The following TMEM268 variants were observed in gnomAD, a reference collection of about 807,000 sequenced individuals.
TMEM268 encodes transmembrane protein 268.
A neutral mutation model predicts 39.1 loss-of-function variants in TMEM268; 24 were observed. The observed-to-expected ratio is 0.61, with a 90% confidence interval of 0.44 to 0.86. The LOEUF is 0.86. TMEM268 is among the 40% of genes least tolerant of loss of function. The pLI is 0.00. For synonymous variants in TMEM268, 176 were observed against 173.5 expected (o/e 1.01, Z -0.12); for missense variants, 409 against 428.6 (o/e 0.95, Z 0.40).
chr9:114,632,520 C>T (rs1008945214), intron 5 of TMEM268, among the ~76,000 whole-genome samples: 3 of 152,188 alleles, frequency 2.0e-5, no homozygotes, highest in African/African-American at 4.8e-5. Flanking sequence ...CTCCTCTTCT[C>T]CCCCACCTGT....
At chr9:114,606,860 G>GA (rs57403545), upstream of TMEM268, among the ~76,000 whole-genome samples, 1,540 of 144,064 alleles carry the variant, frequency 0.011, 16 homozygotes, top group Non-Finnish European at 0.018. Flanking sequence ...AGCTCCAAAA[G>GA]AAAAAAAAAA....
chr9:114,611,863 T>C (rs1002921715), intron 1 of TMEM268, among the ~76,000 whole-genome samples: 2 of 152,136 alleles, frequency 1.3e-5, no homozygotes, highest in Non-Finnish European at 2.9e-5. Flanking sequence ...CCTGGACAGT[T>C]CCAGAGGGCG....
Position 114,643,261 on chromosome 9 carries a change from T to C in TMEM268, c.977T>C (p.Leu326Pro), listed in dbSNP as rs1435324970. 6.2e-7 allele frequency: 1 copy of C among 1,613,864 alleles called. No homozygotes were observed. The highest frequency in any genetic ancestry group is 8.5e-7 in the Non-Finnish European group (1 of 1,179,966). ...NSPRIPCPCQ[L>P]IEAYILGTGC... ...CCGAGAATTCCATGCCCCTGCCAGCTCATAGAAGCCTACATCCTAGGCACA... is the reference window on the plus strand; with the variant it reads ...CCGAGAATTCCATGCCCCTGCCAGCCCATAGAAGCCTACATCCTAGGCACA... Residue 326 changes from leucine (L) to proline (P), a missense_variant, in exon 9 of 9, where the codon CTC becomes CCC. Transcript: ENST00000288502.
intron 1 of TMEM268, among the ~76,000 whole-genome samples, chr9:114,615,973 T>A (rs1456006588): frequency 1.3e-5 from 2 of 151,704 alleles, no homozygotes; most frequent in African/African-American, 4.8e-5. Context: ...ATTACAGGCA[T>A]GAGCCACCGT....
rs772735157 is a variant in TMEM268, at chr9:114,617,242, CCCCCTCCT to C, written c.53_60del (p.Ser18TrpfsTer29). The C allele has an allele frequency of 1.2e-6, 2 of 1,612,690 alleles. No individual in the cohort carries two copies. Among genetic ancestry groups the C allele is most frequent in the East Asian group, 4.5e-5 (2 of 44,798 alleles). On this transcript the variant is annotated frameshift_variant, in exon 2 of 9. Transcript: ENST00000288502. LOFTEE classifies it high-confidence loss of function. Reference sequence around the variant, plus strand: ...GACCCGGGGGCCACTGGCCCATTGCCCCCCTCCTCCCCTGGCTGGAGTGCCCTGCCTGG... The same window carrying C: ...GACCCGGGGGCCACTGGCCCATTGCCCCCCTGGCTGGAGTGCCCTGCCTGG...
chr9:114,616,739 A>G lies in TMEM268; in HGVS notation c.-78-379A>G, dbSNP rs141555052. ...ACTTGAAATCCTGTGTGTAAACAAG[A>G]CTCCCTGTAATGAATATACCTGTCC... On this transcript the variant is annotated intron_variant, in intron 1 of 8. Transcript: ENST00000288502. Among the ~76,000 whole-genome samples the G allele has an allele frequency of 6.2e-3, 940 of 150,858 alleles. 18 individuals are homozygous for G. Among genetic ancestry groups the G allele is most frequent in the African/African-American group, 0.022 (889 of 40,986 alleles).
intron 8 of TMEM268, among the ~76,000 whole-genome samples, chr9:114,641,020 C>T (rs749184811): frequency 3.9e-5 from 6 of 152,046 alleles, no homozygotes; most frequent in African/African-American, 4.8e-5. Flanking sequence ...GGATTACAGG[C>T]GTCTGCCATG....
chr9:114,611,179 T>C (rs1278761256), upstream of TMEM268: 1 of 152,286 alleles, frequency 6.6e-6, no homozygotes, highest in East Asian at 1.9e-4. Context: ...ACCTCTGGAG[T>C]AAGCCGCTCC....
In TMEM268 at chr9:114,643,121, C is replaced by T. The variant is rs768980213; in HGVS notation, c.850-13C>T. ...CCCCTGTGGTATTCAATCTGCTTCC[C>T]TGCCTCTTCTAGGAAATGGCCCGCC... On this transcript the variant is annotated splice_polypyrimidine_tract_variant and intron_variant, in intron 8 of 8. Transcript: ENST00000288502. The T allele has an allele frequency of 6.2e-7, 1 of 1,614,004 alleles. No individual in the cohort carries two copies. The highest frequency in any genetic ancestry group is 1.1e-5 in the South Asian group (1 of 91,074).
At chr9:114,620,765 G>A (rs1845915648) in intron 2 of TMEM268, among the ~76,000 whole-genome samples, 1 of 152,092 alleles carries the variant, frequency 6.6e-6, no homozygotes, top group South Asian at 2.1e-4. Context: ...CCTTTGCAGT[G>A]GATGTGTACG....
At chr9:114,631,316 G>A (rs2133673867) in intron 5 of TMEM268, among the ~76,000 whole-genome samples, 1 of 144,402 alleles carries the variant, frequency 6.9e-6, no homozygotes, top group African/African-American at 2.7e-5. Context: ...AGATTGGCTG[G>A]TTTGTAAAGG....
rs1264606331 is a variant in TMEM268 at position 114,638,683 on chromosome 9, T to C, written c.806T>C (p.Met269Thr). 7.5e-6 allele frequency: 12 copies of C among 1,604,196 alleles called. No individual in the cohort carries two copies. The East Asian group carries it at 2.7e-4, about 36-fold the overall frequency. Residue 269 changes from methionine (M) to threonine (T), a missense_variant, in exon 8 of 9, where the codon ATG becomes ACG. Transcript: ENST00000288502. ...TCTTGTCCTAACGAGAGGCCACTCA[T>C]GCAGACTGAGCTTCATCAGCTTGTT... The part of the protein sequence containing the change: ...GNSCPNERPL[M>T]QTELHQLVPE...
At chr9:114,634,683 C>T (rs75624561) in intron 6 of TMEM268, among the ~76,000 whole-genome samples, 3,142 of 152,242 alleles carry the variant, frequency 0.021, 101 homozygotes, top group African/African-American at 0.07. Context: ...TAGGTGTGCA[C>T]GGGGGACCTG....
upstream of TMEM268, among the ~76,000 whole-genome samples, chr9:114,609,962 C>T (rs962374824): frequency 2.0e-5 from 3 of 152,256 alleles, no homozygotes; most frequent in East Asian, 5.8e-4. Flanking sequence ...AAATCACCTT[C>T]ATGTCCACTA....
intron 2 of TMEM268, chr9:114,624,027 T>G (rs1589338921): frequency 4.3e-6 from 1 of 233,188 alleles, no homozygotes; most frequent in East Asian, 1.1e-4. Context: ...TAAATATTCC[T>G]TGTGTTGGGG....
chr9:114,623,550 G>A (rs954096866), intron 2 of TMEM268, among the ~76,000 whole-genome samples: 24 of 152,184 alleles, frequency 1.6e-4, no homozygotes, highest in African/African-American at 2.4e-5. Context: ...AGGCTCTGGG[G>A]AGAATCCATT....
At chr9:114,614,653 C>T (rs1486261132) in intron 1 of TMEM268, among the ~76,000 whole-genome samples, 2 of 152,212 alleles carry the variant, frequency 1.3e-5, no homozygotes, top group Non-Finnish European at 2.9e-5. Context: ...CATATCTTCA[C>T]AAACATCTAG....
chr9:114,631,456 C>T (rs4978602), intron 5 of TMEM268, among the ~76,000 whole-genome samples: 104,570 of 151,818 alleles, frequency 0.69, 36,151 homozygotes, highest in East Asian at 0.73. Flanking sequence ...ATATTATCAG[C>T]TGACATGTGT....
In TMEM268 at chr9:114,646,363, G is replaced by A. The variant is rs753538488; in HGVS notation, c.*3050G>A. The A allele has an allele frequency of 1.1e-4, 16 of 152,286 alleles. No homozygotes were observed. The highest frequency in any genetic ancestry group is 2.2e-4 in the Non-Finnish European group (15 of 68,032). The allele number at this position is 152,286 out of a possible 1,614,324, so 9.4% of individuals were successfully genotyped here. A position where few individuals can be genotyped will look rare whatever the true frequency, so the allele number is the denominator to read the frequency against. ...ATTAAATGGTGTAAAAAAATGTCAA[G>A]TGCTTGCAACTTTGAATACCAAACT... On this transcript the variant is annotated 3_prime_UTR_variant, in exon 9 of 9. Coordinates refer to ENST00000288502, the MANE Select transcript of TMEM268 (RefSeq NM_153045.4).
Sources: gnomAD v4.1 joint callset for allele counts (sites outside exome capture counted in the v4.1 genomes callset) on GRCh38, gnomAD v4.1.1 for gene constraint, MANE v1.5 for transcripts, NCBI Gene and HGNC (gene_info 2026-07-23, HGNC 2026-07-21) for gene names.